The following RARS2 variants were observed in gnomAD, a reference collection of about 807,000 sequenced individuals.
RARS2 encodes arginyl-tRNA synthetase 2, mitochondrial, also known as probable arginine--tRNA ligase, mitochondrial.
A neutral mutation model predicts 88.5 loss-of-function variants in RARS2; 67 were observed. That is an observed-to-expected ratio of 0.76 (90% CI 0.62 to 0.93). The LOEUF is 0.93. Among genes scored for constraint, RARS2 ranks in the 40% least tolerant of loss-of-function variants. The pLI is 0.00. For missense variants in RARS2, 664 were observed against 684.2 expected, an observed-to-expected ratio of 0.97 and a Z score of 0.33; for synonymous variants, 239 against 230.3, an observed-to-expected ratio of 1.04 and a Z score of -0.34.
intron 16 of RARS2, 61 bp from the exon 17 acceptor site, chr6:87,518,325 G>T: frequency 6.2e-7 from 1 of 1,611,658 alleles, no homozygotes; most frequent in Non-Finnish European, 8.5e-7. Context: ...AGGGCACAGA[G>T]CTGCAAGTGA....
intron 8 of RARS2, among the ~76,000 whole-genome samples, chr6:87,538,317 T>A (rs962914596): frequency 6.6e-6 from 1 of 152,190 alleles, no homozygotes; most frequent in East Asian, 1.9e-4. Flanking sequence ...AGAACACTAA[T>A]GAAAGCAACA....
intron 7 of RARS2, among the ~76,000 whole-genome samples, chr6:87,544,536 CTT>C (rs1440053019): frequency 6.6e-6 from 1 of 152,132 alleles, no homozygotes; most frequent in Admixed American, 6.5e-5. Context: ...AAGGGTGTGT[CTT>C]TGTGTCAGAG....
intron 5 of RARS2, 25 bp from the exon 6 acceptor site, chr6:87,548,671 C>T: frequency 6.2e-7 from 1 of 1,604,740 alleles, no homozygotes; most frequent in Non-Finnish European, 8.5e-7. Flanking sequence ...GGAAACATTT[C>T]TCTATTCTAA....
intron 2 of RARS2, among the ~76,000 whole-genome samples, chr6:87,565,425 T>C (rs900986166): frequency 6.6e-6 from 1 of 152,180 alleles, no homozygotes; most frequent in African/African-American, 2.4e-5. Flanking sequence ...ACAAAGCAAC[T>C]GATTCGTGAA....
chr6:87,559,469 A>C lies in RARS2; in HGVS notation c.297+3233T>G, dbSNP rs1221443860. Among the ~76,000 whole-genome samples, 603 of 69,682 alleles carry C rather than the reference A, an allele frequency of 8.7e-3. 5 individuals carry two copies. The highest frequency in any genetic ancestry group is 0.025 in the African/African-American group (513 of 20,462). The allele number at this position is 69,682 out of a possible 152,430, so 45.7% of individuals were successfully genotyped here. A position where few individuals can be genotyped will look rare whatever the true frequency, so the allele number is the denominator to read the frequency against. On this transcript the variant is annotated intron_variant, in intron 4 of 19. Transcript: ENST00000369536. ...CAAGAGTGAAACTCTGTCTCAAAAA[A>C]AAAAAAAAAAAAAAAAAAAAAGAGA...
intron 8 of RARS2, among the ~76,000 whole-genome samples, chr6:87,539,054 A>AAATG (rs1190341916): frequency 1.3e-5 from 2 of 151,422 alleles, no homozygotes; most frequent in African/African-American, 2.4e-5. Context: ...ATAAATAAAT[A>AAATG]AATGAATAAA....
intron 8 of RARS2, among the ~76,000 whole-genome samples, chr6:87,534,868 G>A (rs191174343): frequency 2.0e-5 from 3 of 152,336 alleles, no homozygotes; most frequent in Non-Finnish European, 4.4e-5. Context: ...CCTGTGGACA[G>A]GGCAAGGACC....
chr6:87,584,776 C>A (rs1010415088), intron 1 of RARS2: 1 of 453,854 alleles, frequency 2.2e-6, no homozygotes, highest in Admixed American at 2.4e-5. Context: ...AGCTAAGAGA[C>A]AAGATGATGA....
At position 87,569,525 on chromosome 6, in the gene RARS2, G is replaced by T; in HGVS notation, c.102C>A (p.Ser34=). 1 of 1,594,288 alleles carries T rather than the reference G, an allele frequency of 6.3e-7. No individual in the cohort carries two copies. The highest frequency in any genetic ancestry group is 1.1e-5 in the South Asian group (1 of 90,638). ...LITSISAVPI[S]QKEEVADFQL... is the part of the protein sequence containing the mutation. ...AGTGTATTATACTTAACTCTTTTTGGGAAATTGGAACTGCAGATATTGATG... is the reference window on the plus strand; with the variant it reads ...AGTGTATTATACTTAACTCTTTTTGTGAAATTGGAACTGCAGATATTGATG... The change falls in exon 2 of 20, where the codon TCC becomes TCA. Residue 34 remains serine (S), a synonymous_variant. Coordinates refer to ENST00000369536, the MANE Select transcript of RARS2 (RefSeq NM_020320.5).
At position 87,545,788 on chromosome 6, in the gene RARS2, T is replaced by C. The variant is rs1582550259; in HGVS notation, c.452-89A>G. On this transcript the variant is annotated intron_variant, in intron 6 of 19. Transcript: ENST00000369536. ...GTACTTCTCTATTATCAAACATAAG[T>C]AGAAAATTCTTTTCACTAAATTTAC... is the stretch of plus-strand genomic sequence containing the variant. The C allele has an allele frequency of 4.2e-6, 6 of 1,443,978 alleles. No individual in the cohort carries two copies. The Admixed American group carries it at 1.0e-4, about 25-fold the overall frequency. The allele number at this position is 1,443,978 out of a possible 1,614,324, so 89.4% of individuals were successfully genotyped here. A position where few individuals can be genotyped will look rare whatever the true frequency, so the allele number is the denominator to read the frequency against.
chr6:87,535,448 T>A (rs1015061505), intron 8 of RARS2, among the ~76,000 whole-genome samples: 23 of 151,618 alleles, frequency 1.5e-4, no homozygotes, highest in African/African-American at 4.8e-4. Flanking sequence ...TTTAAAAAAA[T>A]TTTTTTTTGC....
At chr6:87,526,915 C>G (rs1016097377) in intron 10 of RARS2, among the ~76,000 whole-genome samples, 1 of 151,972 alleles carries the variant, frequency 6.6e-6, no homozygotes, top group African/African-American at 2.4e-5. Context: ...AGGTGATCCG[C>G]CCACCTCAGC....
At chr6:87,558,628 T>C (rs1203134837) in intron 4 of RARS2, among the ~76,000 whole-genome samples, 5 of 152,206 alleles carry the variant, frequency 3.3e-5, no homozygotes, top group Non-Finnish European at 4.4e-5. Context: ...CACTCAGCAA[T>C]GTTGCAGCAG....
chr6:87,586,767 G>A (rs920142520), intron 1 of RARS2, among the ~76,000 whole-genome samples: 2 of 152,112 alleles, frequency 1.3e-5, no homozygotes, highest in African/African-American at 4.8e-5. Context: ...ATTAAATACA[G>A]GCTGGGTATC....
At chr6:87,516,145 G>A (rs6454631) in intron 18 of RARS2, among the ~76,000 whole-genome samples, 91,498 of 151,920 alleles carry the variant, frequency 0.6, 28,365 homozygotes, top group African/African-American at 0.75. Flanking sequence ...TTTATTAAAT[G>A]GCTTTACAGA....
At chr6:87,582,894 T>C (rs1378269926) in intron 1 of RARS2, among the ~76,000 whole-genome samples, 7 of 152,162 alleles carry the variant, frequency 4.6e-5, no homozygotes, top group East Asian at 1.9e-4. Context: ...CAGATGTAAG[T>C]TAATAACGAG....
At chr6:87,554,200 G>A (rs1785121538) in intron 5 of RARS2, among the ~76,000 whole-genome samples, 1 of 152,160 alleles carries the variant, frequency 6.6e-6, no homozygotes, top group Non-Finnish European at 1.5e-5. Flanking sequence ...GCTTTAGGAA[G>A]ACAAATGCAA....
chr6:87,523,447 A>T (rs182599252), intron 11 of RARS2, among the ~76,000 whole-genome samples: 1 of 152,370 alleles, frequency 6.6e-6, no homozygotes, highest in East Asian at 1.9e-4. Context: ...AGGCAGAAGC[A>T]ACTGACATTA....
intron 1 of RARS2, among the ~76,000 whole-genome samples, chr6:87,586,260 T>C (rs1175316814): frequency 6.6e-6 from 1 of 152,006 alleles, no homozygotes; most frequent in Non-Finnish European, 1.5e-5. Context: ...ATTCAAGATA[T>C]AAAGATAAAA....
Sources: allele counts gnomAD v4.1 joint callset (sites outside exome capture counted in the v4.1 genomes callset), GRCh38; gene constraint gnomAD v4.1.1; transcripts MANE v1.5; gene names NCBI Gene and HGNC (gene_info 2026-07-23, HGNC 2026-07-21).